Variants in ABLIM2 observed in about 807,000 individuals in gnomAD.
ABLIM2 encodes actin binding LIM protein family member 2, also known as actin-binding LIM protein 2.
A neutral mutation model predicts 97.7 loss-of-function variants in ABLIM2; 53 were observed. The ratio of observed to expected loss-of-function variants is 0.54; its 90% CI spans 0.44 to 0.68. The LOEUF is 0.68. Ranked by LOEUF, ABLIM2 falls within the 30% of genes least tolerant of loss-of-function variation. The pLI, the probability that ABLIM2 is intolerant of heterozygous loss-of-function variation, is 0.00. For missense variants in ABLIM2, 835 were observed against 867.2 expected, an observed-to-expected ratio of 0.96 and a Z score of 0.47; for synonymous variants, 361 against 345.8, an observed-to-expected ratio of 1.04 and a Z score of -0.49.
intron 14 of ABLIM2, chr4:8,010,701 C>T (rs1485390016): frequency 3.0e-6 from 2 of 668,006 alleles, no homozygotes; most frequent in Non-Finnish European, 3.7e-6. Context: ...TCCCCACTCA[C>T]AGAGGCAAAT....
At chr4:8,009,448 G>A (rs754354057) in intron 14 of ABLIM2, among the ~76,000 whole-genome samples, 10 of 152,202 alleles carry the variant, frequency 6.6e-5, no homozygotes, top group Non-Finnish European at 1.2e-4. Context: ...CCAGGCTGGA[G>A]TGCCATGGTG....
chr4:8,032,325 C>T lies in ABLIM2; in HGVS notation c.1048-2549G>A, dbSNP rs1781481270. 6.6e-6 allele frequency among the ~76,000 whole-genome samples: 1 copy of T among 152,126 alleles called. No individual in the cohort carries two copies. Among genetic ancestry groups the T allele is most frequent in the Non-Finnish European group, 1.5e-5 (1 of 68,026 alleles). ...ACGTGGAGGGGCAGGAGGCAGGAAG[C>T]GCTCCCAGGCTCAGCCAGGATCCTG... On this transcript the variant is annotated intron_variant, in intron 10 of 20. Transcript: ENST00000447017. The surrounding 1 kb of genome is among the most constrained non-coding windows in gnomAD (Gnocchi z 4.3).
intron 20 of ABLIM2, among the ~76,000 whole-genome samples, chr4:7,971,542 C>T (rs1206458042): frequency 6.6e-6 from 1 of 152,156 alleles, no homozygotes; most frequent in African/African-American, 2.4e-5. Flanking sequence ...CCCAAGGTCA[C>T]ATAGCCAGGA....
intron 18 of ABLIM2, among the ~76,000 whole-genome samples, chr4:7,984,329 T>A (rs936734916): frequency 1.3e-5 from 2 of 151,308 alleles, no homozygotes; most frequent in Admixed American, 1.3e-4. Flanking sequence ...AGAGCAAGGC[T>A]CCCCCGCCAC....
In ABLIM2 at chr4:8,127,232, C is replaced by G. The variant is rs999040596; in HGVS notation, c.11-20595G>C. ...TGGGTGCTGGAGTCCAGACGCAGCT[C>G]CGATACCAGCACCGTGTGAGGTTGG... is the stretch of plus-strand genomic sequence containing the variant. On this transcript the variant is annotated intron_variant, in intron 1 of 20. Transcript: ENST00000447017. The surrounding 1 kb of genome is among the most constrained non-coding windows in gnomAD (Gnocchi z 7.3). Among the ~76,000 whole-genome samples the G allele has an allele frequency of 1.3e-5, 2 of 152,148 alleles. No individual in the cohort carries two copies. Among genetic ancestry groups the G allele is most frequent in the Non-Finnish European group, 2.9e-5 (2 of 68,030 alleles).
rs908296971 is a variant in ABLIM2 at position 8,020,409 on chromosome 4, T to C, written c.1268-106A>G. 8 of 1,016,408 alleles carry C rather than the reference T, an allele frequency of 7.9e-6. No homozygotes were observed. The African/African-American group carries it at 9.5e-5, about 12-fold the overall frequency. 63.0% of individuals were successfully genotyped at this position (1,016,408 alleles called of 1,614,324 possible). A position where few individuals can be genotyped will look rare whatever the true frequency, so the allele number is the denominator to read the frequency against. ...TTTGCAGCGAGCCCCATCTCTCCTG[T>C]CTGGTGGAGCAGCCCAGATCCCCTG... On this transcript the variant is annotated intron_variant, in intron 12 of 20. Coordinates refer to ENST00000447017, the MANE Select transcript of ABLIM2 (RefSeq NM_001130083.2).
chr4:7,974,291 C>CT (rs1013936798), intron 20 of ABLIM2, among the ~76,000 whole-genome samples: 3 of 151,422 alleles, frequency 2.0e-5, no homozygotes, highest in South Asian at 4.2e-4. Context: ...ACCTGCCCAC[C>CT]TACCCATCCA....
chr4:8,141,840 A>C (rs906403133), intron 1 of ABLIM2, among the ~76,000 whole-genome samples: 1 of 152,236 alleles, frequency 6.6e-6, no homozygotes, highest in Non-Finnish European at 1.5e-5. Context: ...CTTAAATTTC[A>C]TATGTCCACC....
At chr4:8,134,183 C>A (rs1052849332) in intron 1 of ABLIM2, among the ~76,000 whole-genome samples, 1 of 152,166 alleles carries the variant, frequency 6.6e-6, no homozygotes, top group Non-Finnish European at 1.5e-5. Context: ...GGATGTTGAG[C>A]GGCCATGAGG....
chr4:8,010,450 G>A lies in ABLIM2; in HGVS notation c.1424-1348C>T, dbSNP rs1023034265. The A allele has an allele frequency of 6.1e-5, 60 of 985,878 alleles. No homozygotes were observed. In the Admixed American group the frequency reaches 6.8e-4, roughly 11 times the overall value. The allele number at this position is 985,878 out of a possible 1,614,324, so 61.1% of individuals were successfully genotyped here. On this transcript the variant is annotated intron_variant, in intron 14 of 20. Coordinates refer to ENST00000447017, the MANE Select transcript of ABLIM2 (RefSeq NM_001130083.2). ...CTTACCTGCAGCGGGCGGCGGGCTC[G>A]GGCCCGTCTGTCTTTTGCCGTACCC...
At chr4:7,994,799 G>T (rs1283262259) in intron 16 of ABLIM2, among the ~76,000 whole-genome samples, 3 of 110,116 alleles carry the variant, frequency 2.7e-5, no homozygotes, top group Non-Finnish European at 2.2e-5. Context: ...CAAAAGCAAT[G>T]GCAACAAAAG....
At chr4:8,086,926 C>T (rs71603908) in intron 4 of ABLIM2, among the ~76,000 whole-genome samples, 19,922 of 151,788 alleles carry the variant, frequency 0.13, 1,567 homozygotes, top group East Asian at 0.19. Context: ...CCTCCCGACC[C>T]GGTGGGGCTG....
chr4:8,006,675 C>T (rs766347736), intron 16 of ABLIM2, among the ~76,000 whole-genome samples: 31 of 152,202 alleles, frequency 2.0e-4, no homozygotes, highest in Non-Finnish European at 4.0e-4. Context: ...GCAGGTGCTA[C>T]ACCAGCCAGG....
At chr4:8,063,129 A>C (rs1804510835) in intron 6 of ABLIM2, among the ~76,000 whole-genome samples, 1 of 152,096 alleles carries the variant, frequency 6.6e-6, no homozygotes, top group Non-Finnish European at 1.5e-5. Flanking sequence ...GCAGTGGTGC[A>C]ATCTCAGCTC....
intron 1 of ABLIM2, among the ~76,000 whole-genome samples, chr4:8,145,372 C>T (rs1346733813): frequency 2.6e-5 from 4 of 151,918 alleles, no homozygotes; most frequent in African/African-American, 7.2e-5. Flanking sequence ...TTAGTAGAGG[C>T]GGGGTTTCTC....
At chr4:8,094,390 C>T (rs1319818373) in intron 3 of ABLIM2, among the ~76,000 whole-genome samples, 1 of 152,174 alleles carries the variant, frequency 6.6e-6, no homozygotes, top group Non-Finnish European at 1.5e-5. Flanking sequence ...CGGCAAGACT[C>T]ACGTCTCCAA....
rs143958542 is a variant in ABLIM2, at chr4:7,989,318, A to T, written c.1680+3548T>A. ...GGTCTCAAACTCCTGGCCTCAAGTG[A>T]TCCACCCACCTCGGCCTCGCAGAGT... On this transcript the variant is annotated intron_variant, in intron 17 of 20. Coordinates refer to ENST00000447017, the MANE Select transcript of ABLIM2 (RefSeq NM_001130083.2). 302 of 756,312 alleles carry T rather than the reference A, an allele frequency of 4.0e-4. 2 individuals carry two copies. The African/African-American group carries it at 5.2e-3, about 13-fold the overall frequency. The allele number at this position is 756,312 out of a possible 1,614,324, so 46.9% of individuals were successfully genotyped here. A position where few individuals can be genotyped will look rare whatever the true frequency, so the allele number is the denominator to read the frequency against.
intron 11 of ABLIM2, 70 bp downstream of exon 11, chr4:8,029,586 T>TGAA: frequency 9.5e-7 from 1 of 1,050,032 alleles, no homozygotes; most frequent in Non-Finnish European, 1.2e-6. Context: ...AAAAAAAAAC[T>TGAA]AAAAAAAAAA....
chr4:8,047,903 A>C (rs1188989384), intron 8 of ABLIM2, among the ~76,000 whole-genome samples: 1 of 152,208 alleles, frequency 6.6e-6, no homozygotes. Context: ...AAAGCAGATG[A>C]ACATTGGGTG....
Sources: allele counts gnomAD v4.1 joint callset (sites outside exome capture counted in the v4.1 genomes callset), GRCh38; gene constraint gnomAD v4.1.1; non-coding constraint Gnocchi (gnomAD v3.1); transcripts MANE v1.5; gene names NCBI Gene and HGNC (gene_info 2026-07-23, HGNC 2026-07-21).